Variants in NEK5 observed in about 807,000 individuals in gnomAD.
NEK5 encodes NIMA related kinase 5.
NEK5 carries 88 observed loss-of-function variants against 109.2 expected under a neutral mutation model. That is an observed-to-expected ratio of 0.81 (90% CI 0.68 to 0.96). The LOEUF is 0.96. NEK5 is among the 40% of genes least tolerant of loss of function. The probability of loss-of-function intolerance (pLI) is 0.00; values close to 1 mark genes in which losing one functional copy is unlikely to be tolerated. For synonymous variants in NEK5, 283 were observed against 299.9 expected (o/e 0.94, Z 0.58); for missense variants, 834 against 920.7 (o/e 0.91, Z 1.22).
chr13:52,064,559 C>T (rs539104048), intron 21 of NEK5, among the ~76,000 whole-genome samples: 1,948 of 151,914 alleles, frequency 0.013, 43 homozygotes, highest in African/African-American at 0.045. Context: ...CACCTCTGCC[C>T]GGCCGCCCCT....
rs374419351 is a variant in NEK5 at position 52,068,879 on chromosome 13, G to A, written c.1849+3065C>T. Among the ~76,000 whole-genome samples, 10 of 151,992 alleles carry A rather than the reference G, an allele frequency of 6.6e-5. No homozygotes were observed. In the East Asian group the frequency reaches 1.9e-3, roughly 29 times the overall value. On this transcript the variant is annotated intron_variant, in intron 20 of 23. Transcript: ENST00000684899. Reference sequence around the variant, plus strand: ...CAGCTACTCAGGGAGGCTGAGGCAGGAGAATCGCTTGAACCCAGGAGGCGG... The same window carrying A: ...CAGCTACTCAGGGAGGCTGAGGCAGAAGAATCGCTTGAACCCAGGAGGCGG...
chr13:52,075,021 C>T (rs1000788090), intron 19 of NEK5, among the ~76,000 whole-genome samples: 13 of 152,098 alleles, frequency 8.5e-5, no homozygotes, highest in Middle Eastern at 3.4e-3. Flanking sequence ...GTAGTGTTGG[C>T]GGAAATGTAA....
chr13:52,084,306 C>G (rs1278480475), intron 16 of NEK5, among the ~76,000 whole-genome samples: 1 of 152,114 alleles, frequency 6.6e-6, no homozygotes, highest in Non-Finnish European at 1.5e-5. Context: ...TCACAGTTCA[C>G]AGCAGCTTCA....
At chr13:52,104,680 C>T in intron 8 of NEK5, 128 bp from the exon 9 acceptor site, 1 of 692,052 alleles carries the variant, frequency 1.4e-6, no homozygotes, top group Non-Finnish European at 2.6e-6. Flanking sequence ...TTTACAAATG[C>T]TTTCAGATAT....
Position 52,089,233 on chromosome 13 carries a change from G to T in NEK5, c.1275+14C>A, listed in dbSNP as rs1955223563. On this transcript the variant is annotated intron_variant, in intron 14 of 23. Coordinates refer to ENST00000684899, the MANE Select transcript of NEK5 (RefSeq NM_001365552.1). ...AAATTCCTAATTGCTTCCCATATTT[G>T]GTATTTTACTTACCAATTGCTTCTC... 6.7e-7 allele frequency: 1 copy of T among 1,486,502 alleles called. No individual in the cohort carries two copies. The highest frequency in any genetic ancestry group is 1.8e-4 in the Middle Eastern group (1 of 5,712). 92.1% of individuals were successfully genotyped at this position (1,486,502 alleles called of 1,614,324 possible).
chr13:52,051,406 G>A (rs1954505127), intron 22 of NEK5, among the ~76,000 whole-genome samples: 1 of 152,152 alleles, frequency 6.6e-6, no homozygotes, highest in Admixed American at 6.5e-5. Flanking sequence ...ACCCCTCGAA[G>A]AATGCAGAAA....
At chr13:52,056,245 AAC>A (rs1954554158) in intron 22 of NEK5, among the ~76,000 whole-genome samples, 1 of 151,844 alleles carries the variant, frequency 6.6e-6, no homozygotes, top group Non-Finnish European at 1.5e-5. Context: ...AAGAAGAGCT[AAC>A]TATCCTAAAT....
intron 23 of NEK5, among the ~76,000 whole-genome samples, chr13:52,046,691 G>A (rs1052515766): frequency 7.9e-5 from 12 of 151,198 alleles, no homozygotes; most frequent in African/African-American, 1.7e-4. Flanking sequence ...CGATCATGCC[G>A]CTGCACTCCA....
chr13:52,087,458 T>G lies in NEK5; in HGVS notation c.1276-4A>C. On this transcript the variant is annotated splice_region_variant and splice_polypyrimidine_tract_variant and intron_variant, in intron 14 of 23. Coordinates refer to ENST00000684899, the MANE Select transcript of NEK5 (RefSeq NM_001365552.1). ...CGGCAGAAGATGGACGAAGACCCTATTTATTGAATGAAATAATTTATAATG... is the reference window on the plus strand; with the variant it reads ...CGGCAGAAGATGGACGAAGACCCTAGTTATTGAATGAAATAATTTATAATG... 1 of 1,474,446 alleles carries G rather than the reference T, an allele frequency of 6.8e-7. No individual in the cohort carries two copies. Among genetic ancestry groups the G allele is most frequent in the Non-Finnish European group, 9.4e-7 (1 of 1,061,562 alleles). The allele number at this position is 1,474,446 out of a possible 1,614,324, so 91.3% of individuals were successfully genotyped here. A position where few individuals can be genotyped will look rare whatever the true frequency, so the allele number is the denominator to read the frequency against.
rs757846924 is a variant in NEK5 at position 52,076,187 on chromosome 13, CAT to C, written c.1573-46_1573-45del. 9.4e-6 allele frequency: 10 copies of C among 1,062,170 alleles called. 1 individual carries two copies. In the South Asian group the frequency reaches 1.3e-4, roughly 13 times the overall value. The allele number at this position is 1,062,170 out of a possible 1,614,324, so 65.8% of individuals were successfully genotyped here. A position where few individuals can be genotyped will look rare whatever the true frequency, so the allele number is the denominator to read the frequency against. On this transcript the variant is annotated intron_variant, in intron 17 of 23. Transcript: ENST00000684899. ...ATACAATTCTCTCACTGTATGTTTA[CAT>C]GAGTTGATTTCTGCGTTAAATCTGA...
At chr13:52,091,422 T>C (rs1266190874) in intron 13 of NEK5, among the ~76,000 whole-genome samples, 1 of 152,188 alleles carries the variant, frequency 6.6e-6, no homozygotes, top group Non-Finnish European at 1.5e-5. Context: ...TAATTAAAAA[T>C]GTGTTATGAA....
Sources: gnomAD v4.1 joint callset for allele counts (sites outside exome capture counted in the v4.1 genomes callset) on GRCh38, gnomAD v4.1.1 for gene constraint, MANE v1.5 for transcripts, NCBI Gene and HGNC (gene_info 2026-07-23, HGNC 2026-07-21) for gene names.